NCKAP5: variants seen among roughly 807,000 people sequenced by gnomAD.
NCKAP5 encodes NCK associated protein 5.
A neutral mutation model predicts 167.0 loss-of-function variants in NCKAP5; 92 were observed. The ratio of observed to expected loss-of-function variants is 0.55; its 90% CI spans 0.47 to 0.66. The LOEUF (loss-of-function observed/expected upper bound fraction) is 0.66, where lower values mean the gene tolerates loss of function less well. Among genes scored for constraint, NCKAP5 ranks in the 30% least tolerant of loss-of-function variants. NCKAP5 has a pLI of 0.00. For missense variants in NCKAP5, 2,378 were observed against 2,315.0 expected (o/e 1.03, Z -0.56); for synonymous variants, 891 against 877.4 (o/e 1.02, Z -0.27).
chr2:133,503,588 G>A (rs1206539688), intron 3 of NCKAP5, among the ~76,000 whole-genome samples: 1 of 152,146 alleles, frequency 6.6e-6, no homozygotes, highest in Middle Eastern at 3.2e-3. Flanking sequence ...ATCTTTGGTT[G>A]GACCTTCTCT....
chr2:133,197,415 C>T (rs2085485907), intron 5 of NCKAP5, among the ~76,000 whole-genome samples: 1 of 152,182 alleles, frequency 6.6e-6, no homozygotes, highest in East Asian at 1.9e-4. Flanking sequence ...GGCCAATTGC[C>T]AGCTAAAACA....
At chr2:132,900,758 T>G (rs1693557343) in intron 8 of NCKAP5, among the ~76,000 whole-genome samples, 1 of 151,814 alleles carries the variant, frequency 6.6e-6, no homozygotes, top group Admixed American at 6.6e-5. Context: ...AACACCAGAT[T>G]GAGACCAGCC....
At chr2:133,252,773 T>C (rs996786703) in intron 4 of NCKAP5, among the ~76,000 whole-genome samples, 2 of 152,338 alleles carry the variant, frequency 1.3e-5, no homozygotes, top group South Asian at 2.1e-4. Flanking sequence ...AAATAGGGTC[T>C]ACAAGGGTTC....
At chr2:133,275,363 A>AT (rs2089681828) in intron 4 of NCKAP5, among the ~76,000 whole-genome samples, 1 of 151,844 alleles carries the variant, frequency 6.6e-6, no homozygotes, top group African/African-American at 2.4e-5. Flanking sequence ...TAGGAACCCC[A>AT]TATCTATGTA....
intron 6 of NCKAP5, among the ~76,000 whole-genome samples, chr2:133,029,738 A>AT (rs777755573): frequency 9.2e-5 from 14 of 152,192 alleles, no homozygotes; most frequent in East Asian, 3.9e-4. Flanking sequence ...ATCCCCAGGC[A>AT]TATCAGGCTG....
At chr2:132,906,544 A>G (rs1338147683) in intron 8 of NCKAP5, among the ~76,000 whole-genome samples, 1 of 152,188 alleles carries the variant, frequency 6.6e-6, no homozygotes. Context: ...TATAACTCCC[A>G]TAATGAGGTC....
chr2:133,289,959 A>G (rs1214936023), intron 4 of NCKAP5, among the ~76,000 whole-genome samples: 3 of 152,132 alleles, frequency 2.0e-5, no homozygotes, highest in Non-Finnish European at 2.9e-5. Context: ...CTCACGCACT[A>G]TCACGAGAAC....
chr2:133,268,713 G>A (rs1379881817), intron 4 of NCKAP5, among the ~76,000 whole-genome samples: 2 of 151,886 alleles, frequency 1.3e-5, no homozygotes, highest in African/African-American at 2.4e-5. Flanking sequence ...CTCGTGATCC[G>A]CCCGCCGCGG....
At chr2:133,659,328 T>C in the NCKAP5 span, among the ~76,000 whole-genome samples, 1 of 152,116 alleles carries the variant, frequency 6.6e-6, no homozygotes, top group Non-Finnish European at 1.5e-5. Context: ...TCACACCATC[T>C]ACAAAAATTA....
At chr2:133,642,423 C>A in the NCKAP5 span, among the ~76,000 whole-genome samples, 1 of 152,228 alleles carries the variant, frequency 6.6e-6, no homozygotes, top group East Asian at 1.9e-4. Flanking sequence ...GCCAGATGAA[C>A]ATATAGAAAG....
chr2:133,522,160 T>G (rs1558751439), intron 2 of NCKAP5, among the ~76,000 whole-genome samples: 1 of 152,176 alleles, frequency 6.6e-6, no homozygotes. Context: ...TGCTTCCAGC[T>G]CTAGCAGAAC....
intron 6 of NCKAP5, among the ~76,000 whole-genome samples, chr2:133,071,873 A>G (rs1293088778): frequency 1.3e-5 from 2 of 152,180 alleles, no homozygotes; most frequent in African/African-American, 4.8e-5. Context: ...CTAGGAGCCA[A>G]CCTACCTGTT....
At chr2:133,174,928 C>T (rs1350809012) in intron 5 of NCKAP5, among the ~76,000 whole-genome samples, 2 of 152,104 alleles carry the variant, frequency 1.3e-5, no homozygotes, top group African/African-American at 2.4e-5. Context: ...TGTAGGTAAT[C>T]TTGTTAGATG....
chr2:133,582,383 G>A, the NCKAP5 span, among the ~76,000 whole-genome samples: 2 of 152,320 alleles, frequency 1.3e-5, no homozygotes, highest in African/African-American at 2.4e-5. Context: ...GACTGGGGGA[G>A]TGTGAGGATT....
chr2:133,530,228 T>C (rs1160327855), intron 2 of NCKAP5, among the ~76,000 whole-genome samples: 1 of 151,452 alleles, frequency 6.6e-6, no homozygotes, highest in Non-Finnish European at 1.5e-5. Context: ...AAAGTCAACA[T>C]ATGCACAATC....
intron 7 of NCKAP5, among the ~76,000 whole-genome samples, chr2:132,979,169 AC>A (rs2077058746): frequency 1.3e-5 from 2 of 152,224 alleles, no homozygotes; most frequent in South Asian, 4.1e-4. Flanking sequence ...TAATTGTTCA[AC>A]TTTTAATAAA....
chr2:132,882,885 T>C (rs980458755), intron 8 of NCKAP5, among the ~76,000 whole-genome samples: 2 of 152,092 alleles, frequency 1.3e-5, no homozygotes, highest in Non-Finnish European at 1.5e-5. Context: ...CCTCTGTTAC[T>C]TTTAAAATCA....
At chr2:133,664,068 T>C in the NCKAP5 span, among the ~76,000 whole-genome samples, 1 of 152,224 alleles carries the variant, frequency 6.6e-6, no homozygotes, top group Non-Finnish European at 1.5e-5. Flanking sequence ...TTAACAGACA[T>C]GAAAGCAACA....
At chr2:133,577,042 C>G in the NCKAP5 span, among the ~76,000 whole-genome samples, 2 of 152,166 alleles carry the variant, frequency 1.3e-5, no homozygotes, top group Non-Finnish European at 2.9e-5. Flanking sequence ...GGTAAGGCAA[C>G]TCATAGAAAT....
Sources: allele counts gnomAD v4.1 joint callset (sites outside exome capture counted in the v4.1 genomes callset), GRCh38; gene constraint gnomAD v4.1.1; transcripts MANE v1.5; gene names NCBI Gene and HGNC (gene_info 2026-07-23, HGNC 2026-07-21).